The following CCDC6 variants were observed in gnomAD, a reference collection of about 807,000 sequenced individuals.
CCDC6 encodes coiled-coil domain-containing protein 6.
CCDC6 carries 20 observed loss-of-function variants against 56.6 expected under a neutral mutation model. That is an observed-to-expected ratio of 0.35 (90% CI 0.25 to 0.51). The LOEUF (loss-of-function observed/expected upper bound fraction) is 0.51, where lower values mean the gene tolerates loss of function less well. CCDC6 is among the 20% of genes least tolerant of loss of function. The pLI is 0.95. For synonymous variants in CCDC6, 241 were observed against 234.4 expected (o/e 1.03, Z -0.26); for missense variants, 367 against 601.1 (o/e 0.61, Z 4.07).
chr10:59,837,482 A>C (rs6479656), intron 2 of CCDC6, among the ~76,000 whole-genome samples: 62,768 of 151,624 alleles, frequency 0.41, 13,182 homozygotes, highest in African/African-American at 0.49. Context: ...CAGTGGCTCA[A>C]GCCTGTAATC....
chr10:59,894,999 A>T (rs923849630), intron 1 of CCDC6, among the ~76,000 whole-genome samples: 1 of 152,168 alleles, frequency 6.6e-6, no homozygotes, highest in African/African-American at 2.4e-5. Context: ...TGCCCATGAG[A>T]TGAAGATAAA....
intron 5 of CCDC6, among the ~76,000 whole-genome samples, chr10:59,810,267 T>C (rs2070662036): frequency 6.6e-6 from 1 of 152,164 alleles, no homozygotes; most frequent in Non-Finnish European, 1.5e-5. Context: ...TAACACATCC[T>C]TTAGGCCCAA....
At chr10:59,839,936 C>T (rs1260219868) in intron 2 of CCDC6, among the ~76,000 whole-genome samples, 2 of 152,206 alleles carry the variant, frequency 1.3e-5, no homozygotes, top group Non-Finnish European at 2.9e-5. Flanking sequence ...ACTGATTCTC[C>T]TGCCTCAGCC....
At chr10:59,892,369 C>T (rs2071428617) in intron 1 of CCDC6, among the ~76,000 whole-genome samples, 1 of 152,178 alleles carries the variant, frequency 6.6e-6, no homozygotes, top group African/African-American at 2.4e-5. Flanking sequence ...TACACAGCCA[C>T]ACAGACTGGT....
In CCDC6 at chr10:59,832,458, T is replaced by TTAA. The variant is rs1300020361; in HGVS notation, c.582+64_582+66dup. Reference sequence around the variant, plus strand: ...TTTCACTTAAATTCCTCCAGGCATCTTAAAGCTTAAAAGAACAAGCTGAGA... The same window carrying TTAA: ...TTTCACTTAAATTCCTCCAGGCATCTTAATAAAGCTTAAAAGAACAAGCTGAGA... On this transcript the variant is annotated intron_variant, in intron 3 of 8. Transcript: ENST00000263102. The TTAA allele has an allele frequency of 4.7e-6, 7 of 1,495,806 alleles. No individual in the cohort carries two copies. The East Asian group carries it at 1.6e-4, about 34-fold the overall frequency. 92.7% of individuals were successfully genotyped at this position (1,495,806 alleles called of 1,614,324 possible).
chr10:59,855,976 CT>C (rs1448702223), intron 1 of CCDC6, among the ~76,000 whole-genome samples: 6 of 152,186 alleles, frequency 3.9e-5, no homozygotes, highest in African/African-American at 1.4e-4. Context: ...TTTAGAATAG[CT>C]ACTTATTTCT....
chr10:59,861,106 G>A (rs1159472324), intron 1 of CCDC6, among the ~76,000 whole-genome samples: 1 of 152,116 alleles, frequency 6.6e-6, no homozygotes, highest in Non-Finnish European at 1.5e-5. Context: ...TTGAACTCGG[G>A]AAGTAGAGGT....
chr10:59,857,176 T>C (rs982566820), intron 1 of CCDC6, among the ~76,000 whole-genome samples: 4 of 152,094 alleles, frequency 2.6e-5, no homozygotes, highest in African/African-American at 9.7e-5. Context: ...AAAGGGAAAT[T>C]AAAGGGAGAG....
chr10:59,845,677 C>T (rs1325684941), intron 2 of CCDC6, among the ~76,000 whole-genome samples: 2 of 152,104 alleles, frequency 1.3e-5, no homozygotes, highest in East Asian at 3.9e-4. Context: ...AGCTGAGGTT[C>T]AGGTAATTTG....
intron 1 of CCDC6, among the ~76,000 whole-genome samples, chr10:59,882,554 G>C (rs1307423273): frequency 1.2e-5 from 1 of 80,114 alleles, no homozygotes; most frequent in Non-Finnish European, 2.9e-5. Context: ...CGGGGAGAAG[G>C]AAAGGAAAGC....
intron 3 of CCDC6, among the ~76,000 whole-genome samples, chr10:59,827,049 A>C (rs1189841544): frequency 6.6e-6 from 1 of 152,188 alleles, no homozygotes; most frequent in Non-Finnish European, 1.5e-5. Context: ...TATTATAGAA[A>C]TACCTCATAG....
chr10:59,795,870 C>CT (rs1353845947), intron 7 of CCDC6, among the ~76,000 whole-genome samples: 2 of 152,064 alleles, frequency 1.3e-5, no homozygotes, highest in Admixed American at 6.5e-5. Context: ...TTAATCCAGT[C>CT]TATCGTTGTT....
intron 1 of CCDC6, among the ~76,000 whole-genome samples, chr10:59,869,942 C>T (rs554571473): frequency 6.6e-6 from 1 of 152,304 alleles, no homozygotes; most frequent in Non-Finnish European, 1.5e-5. Flanking sequence ...AGATTCTCTG[C>T]CCCATAGCAG....
At chr10:59,849,513 T>C (rs1379674187) in intron 2 of CCDC6, among the ~76,000 whole-genome samples, 1 of 152,266 alleles carries the variant, frequency 6.6e-6, no homozygotes, top group African/African-American at 2.4e-5. Context: ...ACGTCTCTTC[T>C]ATAGCAAGTC....
At chr10:59,859,199 C>CGTGTGTGTGTGTGTGTGTGT (rs66648240) in intron 1 of CCDC6, among the ~76,000 whole-genome samples, 9 of 137,188 alleles carry the variant, frequency 6.6e-5, no homozygotes, top group African/African-American at 2.4e-4. Flanking sequence ...CATGTGTGTG[C>CGTGTGTGTGTGTGTGTGTGT]GTGTGTGTGT....
intron 1 of CCDC6, among the ~76,000 whole-genome samples, chr10:59,857,068 T>C (rs2071086225): frequency 6.6e-6 from 1 of 152,202 alleles, no homozygotes; most frequent in Admixed American, 6.6e-5. Context: ...TTTAAAACAT[T>C]GCCCCTCACC....
intron 1 of CCDC6, among the ~76,000 whole-genome samples, chr10:59,857,135 A>T (rs1474119402): frequency 1.3e-5 from 2 of 152,182 alleles, no homozygotes; most frequent in Non-Finnish European, 1.5e-5. Context: ...TCTCTTCATC[A>T]TTCTTTTCCC....
At chr10:59,880,205 G>A (rs2071320934) in intron 1 of CCDC6, among the ~76,000 whole-genome samples, 1 of 151,596 alleles carries the variant, frequency 6.6e-6, no homozygotes, top group Non-Finnish European at 1.5e-5. Flanking sequence ...CTCAAAGCAT[G>A]GCAGACCACG....
At chr10:59,864,790 T>A (rs2132664180) in intron 1 of CCDC6, among the ~76,000 whole-genome samples, 1 of 152,204 alleles carries the variant, frequency 6.6e-6, no homozygotes. Flanking sequence ...GACTCCCACC[T>A]CTTAATGACA....
Sources: gnomAD v4.1 joint callset for allele counts (sites outside exome capture counted in the v4.1 genomes callset) on GRCh38, gnomAD v4.1.1 for gene constraint, MANE v1.5 for transcripts, NCBI Gene and HGNC (gene_info 2026-07-23, HGNC 2026-07-21) for gene names.